The following ABR variants were observed in gnomAD, a reference collection of about 807,000 sequenced individuals.
ABR encodes the protein ABR activator of RhoGEF and GTPase, also known as active breakpoint cluster region-related protein.
A neutral mutation model predicts 107.2 loss-of-function variants in ABR; 35 were observed. That is an observed-to-expected ratio of 0.33 (90% CI 0.25 to 0.43). The LOEUF (loss-of-function observed/expected upper bound fraction) is 0.43, where lower values mean the gene tolerates loss of function less well. ABR is among the 20% of genes least tolerant of loss of function. The pLI is 1.00. For synonymous variants in ABR, 498 were observed against 462.0 expected, an observed-to-expected ratio of 1.08 and a Z score of -1.00; for missense variants, 815 against 1,115.2, an observed-to-expected ratio of 0.73 and a Z score of 3.83.
intron 2 of ABR, among the ~76,000 whole-genome samples, chr17:1,108,774 C>T (rs2038436339): frequency 6.6e-6 from 1 of 151,530 alleles, no homozygotes; most frequent in African/African-American, 2.4e-5. Context: ...GGGAGGCAGG[C>T]CCGCCCCTCT....
At chr17:1,158,940 T>C (rs2041151678) in intron 1 of ABR, among the ~76,000 whole-genome samples, 1 of 152,186 alleles carries the variant, frequency 6.6e-6, no homozygotes, top group Non-Finnish European at 1.5e-5. Flanking sequence ...CAGAGAAGGC[T>C]GAAGCCTGTT....
chr17:1,108,871 C>G, intron 2 of ABR: 1 of 1,500,064 alleles, frequency 6.7e-7, no homozygotes, highest in Non-Finnish European at 8.9e-7. Flanking sequence ...GCCATTTCTC[C>G]CGCGCACCTT....
rs1466117400 is a variant in ABR, at chr17:1,025,243, C to T, written c.1792-12079G>A. Among the ~76,000 whole-genome samples, 3 of 152,068 alleles carry T rather than the reference C, an allele frequency of 2.0e-5. No individual in the cohort carries two copies. The East Asian group carries it at 5.8e-4, about 29-fold the overall frequency. On this transcript the variant is annotated intron_variant, in intron 16 of 22. Coordinates refer to ENST00000302538, the MANE Select transcript of ABR (RefSeq NM_021962.5). ...CCCGGGAGGCGGAGGCTGCAGCGAGCCGAGATCGCGCCATTGCACTCCAGC... is the reference window on the plus strand; with the variant it reads ...CCCGGGAGGCGGAGGCTGCAGCGAGTCGAGATCGCGCCATTGCACTCCAGC...
intron 18 of ABR, 71 bp from the exon 19 acceptor site, chr17:1,012,056 C>T: frequency 6.3e-7 from 1 of 1,591,672 alleles, no homozygotes; most frequent in Admixed American, 1.7e-5. Context: ...CCCCACCCAG[C>T]ACACACACAC....
At chr17:1,028,123 C>A (rs891256818) in intron 16 of ABR, among the ~76,000 whole-genome samples, 2 of 152,124 alleles carry the variant, frequency 1.3e-5, no homozygotes, top group Non-Finnish European at 2.9e-5. Flanking sequence ...CCGAGTCTCG[C>A]TCTGTTGCCC....
intron 1 of ABR, among the ~76,000 whole-genome samples, chr17:1,196,281 T>G (rs1021975639): frequency 2.6e-5 from 4 of 151,764 alleles, no homozygotes; most frequent in Non-Finnish European, 5.9e-5. Context: ...AATACAAAAA[T>G]TAGCTGGGCA....
intron 2 of ABR, among the ~76,000 whole-genome samples, chr17:1,114,548 A>G (rs2376596): frequency 0.62 from 94,262 of 151,016 alleles, 29,611 homozygotes; most frequent in African/African-American, 0.68. Context: ...TGAGGCAGGC[A>G]GATCACCTGA....
intron 5 of ABR, among the ~76,000 whole-genome samples, chr17:1,080,344 G>C (rs1335107320): frequency 1.3e-5 from 2 of 152,148 alleles, no homozygotes; most frequent in African/African-American, 4.8e-5. Flanking sequence ...GTGAGTACTG[G>C]AAAGACCCCC....
At chr17:1,009,236 CCCCACTGCTGTCCA>C (rs2070322829) in intron 21 of ABR, among the ~76,000 whole-genome samples, 2 of 64,988 alleles carry the variant, frequency 3.1e-5, no homozygotes, top group African/African-American at 1.5e-4. Flanking sequence ...ACTGTCCATT[CCCCACTGCTGTCCA>C]CCCCCCACTG....
At chr17:1,108,908 G>T in intron 2 of ABR, 1 of 1,562,248 alleles carries the variant, frequency 6.4e-7, no homozygotes, top group Non-Finnish European at 8.6e-7. Flanking sequence ...GCCCCCCCCA[G>T]CGCCCAGGGC....
chr17:1,016,318 T>C (rs976274779), intron 16 of ABR, among the ~76,000 whole-genome samples: 1 of 65,190 alleles, frequency 1.5e-5, no homozygotes, highest in Non-Finnish European at 3.8e-5. Context: ...CCAACGTTTC[T>C]TTTTTTTTTT....
intron 5 of ABR, among the ~76,000 whole-genome samples, chr17:1,080,151 C>T (rs771514819): frequency 1.3e-5 from 2 of 152,130 alleles, no homozygotes; most frequent in Non-Finnish European, 2.9e-5. Flanking sequence ...GGTGGACCTT[C>T]GGCAGAGATG....
At chr17:1,042,043 G>A (rs1044923585) in intron 16 of ABR, among the ~76,000 whole-genome samples, 5 of 152,218 alleles carry the variant, frequency 3.3e-5, no homozygotes, top group Non-Finnish European at 7.3e-5. Context: ...TGGGAGGCAG[G>A]TGGGGGACAG....
At chr17:1,109,200 C>G in intron 2 of ABR, 1 of 1,248,940 alleles carries the variant, frequency 8.0e-7, no homozygotes, top group African/African-American at 1.6e-5. Flanking sequence ...GGCTCCCGAC[C>G]CGGGACTGCA....
chr17:1,169,819 G>A (rs897726598), intron 1 of ABR, among the ~76,000 whole-genome samples: 8 of 152,234 alleles, frequency 5.3e-5, no homozygotes, highest in Admixed American at 4.6e-4. Context: ...ATTTTAAAAG[G>A]CTGGAGAGCA....
At chr17:1,198,752 C>T (rs1355537459) in intron 1 of ABR, among the ~76,000 whole-genome samples, 1 of 150,470 alleles carries the variant, frequency 6.6e-6, no homozygotes. Flanking sequence ...TCTCCTGCCT[C>T]AGCCTCTCCA....
intron 16 of ABR, among the ~76,000 whole-genome samples, chr17:1,023,118 T>TCC (rs1567594533): frequency 2.1e-5 from 3 of 142,992 alleles, no homozygotes; most frequent in Admixed American, 1.4e-4. Context: ...CCACGTCCAC[T>TCC]ACAGCGCCTC....
intron 16 of ABR, among the ~76,000 whole-genome samples, chr17:1,014,801 A>G (rs544989040): frequency 1.2e-3 from 178 of 150,326 alleles, no homozygotes; most frequent in Non-Finnish European, 2.1e-3. Context: ...AGCGGAGATC[A>G]CACCACTGCA....
upstream of ABR, among the ~76,000 whole-genome samples, chr17:1,188,785 T>C (rs2042369635): frequency 6.6e-6 from 1 of 152,132 alleles, no homozygotes; most frequent in African/African-American, 2.4e-5. Context: ...TCCTTCCTAC[T>C]AAATTTCGCC....
Sources: gnomAD v4.1 joint callset for allele counts (sites outside exome capture counted in the v4.1 genomes callset) on GRCh38, gnomAD v4.1.1 for gene constraint, MANE v1.5 for transcripts, NCBI Gene and HGNC (gene_info 2026-07-23, HGNC 2026-07-21) for gene names.